The following ANKRD42 variants were observed in gnomAD, a reference collection of about 807,000 sequenced individuals.
ANKRD42 encodes ankyrin repeat domain-containing protein 42.
A neutral mutation model predicts 51.5 loss-of-function variants in ANKRD42; 43 were observed. The observed-to-expected ratio is 0.83, with a 90% confidence interval of 0.65 to 1.08. The LOEUF (loss-of-function observed/expected upper bound fraction) is 1.08. Among genes scored for constraint, ANKRD42 ranks in the 50% least tolerant of loss-of-function variants. The pLI is 0.00. For synonymous variants in ANKRD42, 203 were observed against 213.0 expected, an observed-to-expected ratio of 0.95 and a Z score of 0.41; for missense variants, 608 against 629.3, an observed-to-expected ratio of 0.97 and a Z score of 0.36.
chr11:83,258,200 G>C (rs1265747166), downstream of ANKRD42, among the ~76,000 whole-genome samples: 1 of 152,132 alleles, frequency 6.6e-6, no homozygotes, highest in Non-Finnish European at 1.5e-5. Context: ...GACTGTAAGA[G>C]AGAAATAAAC....
chr11:83,205,044 C>T (rs1236344606), intron 2 of ANKRD42, among the ~76,000 whole-genome samples: 1 of 152,160 alleles, frequency 6.6e-6, no homozygotes, highest in Non-Finnish European at 1.5e-5. Flanking sequence ...AACTGGAACT[C>T]CCATACATTG....
At chr11:83,263,199 A>G (rs1420516541), downstream of ANKRD42, among the ~76,000 whole-genome samples, 1 of 152,220 alleles carries the variant, frequency 6.6e-6, no homozygotes, top group East Asian at 1.9e-4. Flanking sequence ...GTGCTATCTA[A>G]GTGGTTACAT....
chr11:83,235,978 G>C (rs1488215353), intron 7 of ANKRD42, among the ~76,000 whole-genome samples: 1 of 152,194 alleles, frequency 6.6e-6, no homozygotes, highest in Non-Finnish European at 1.5e-5. Flanking sequence ...TTTGAAGTCT[G>C]TGTAGGTCCT....
chr11:83,213,636 T>C (rs955101928), intron 5 of ANKRD42: 4 of 914,866 alleles, frequency 4.4e-6, no homozygotes, highest in Non-Finnish European at 5.6e-6. Flanking sequence ...ACTAAAGATG[T>C]TGAACATCAT....
chr11:83,208,084 C>A (rs972692703), intron 3 of ANKRD42, among the ~76,000 whole-genome samples: 2 of 152,012 alleles, frequency 1.3e-5, no homozygotes, highest in African/African-American at 4.8e-5. Flanking sequence ...AGTGCAGTGC[C>A]CTGGTCATGA....
intron 5 of ANKRD42, among the ~76,000 whole-genome samples, chr11:83,221,586 T>C (rs1862718252): frequency 6.6e-6 from 1 of 152,220 alleles, no homozygotes; most frequent in East Asian, 1.9e-4. Flanking sequence ...TCCAGGTAGG[T>C]CTCTGCCTCC....
intron 5 of ANKRD42, among the ~76,000 whole-genome samples, chr11:83,217,839 T>C (rs187486679): frequency 6.6e-6 from 1 of 152,336 alleles, no homozygotes; most frequent in African/African-American, 2.4e-5. Context: ...CTGCTCCTCT[T>C]TTGGTTCCCT....
In ANKRD42 at chr11:83,225,495, G is replaced by GC. The variant is rs1447451200; in HGVS notation, c.787+440_787+441insC. Among the ~76,000 whole-genome samples, 3 of 151,382 alleles carry GC rather than the reference G, an allele frequency of 2.0e-5. No individual in the cohort carries two copies. The East Asian group carries it at 5.8e-4, about 29-fold the overall frequency. On this transcript the variant is annotated intron_variant, in intron 6 of 10. Coordinates refer to ENST00000533342, the MANE Select transcript of ANKRD42 (RefSeq NM_001300975.2). ...TGGGAGGATGGATTGAGCCCAGGAA[G>GC]TCAAGGCTACAGTGAACCGTGATTG... is the stretch of plus-strand genomic sequence containing the variant.
intron 5 of ANKRD42, among the ~76,000 whole-genome samples, chr11:83,219,853 G>C (rs1862662034): frequency 6.6e-6 from 1 of 152,176 alleles, no homozygotes; most frequent in Non-Finnish European, 1.5e-5. Context: ...TAGGGAACTG[G>C]CCCTTCAAAA....
At chr11:83,228,419 G>T (rs984501213) in intron 7 of ANKRD42, among the ~76,000 whole-genome samples, 2 of 151,502 alleles carry the variant, frequency 1.3e-5, no homozygotes, top group African/African-American at 2.4e-5. Flanking sequence ...TAATAGAGAT[G>T]GGGTTTCACC....
At chr11:83,232,155 G>A (rs2135539012) in intron 7 of ANKRD42, among the ~76,000 whole-genome samples, 1 of 149,574 alleles carries the variant, frequency 6.7e-6, no homozygotes, top group Middle Eastern at 3.5e-3. Context: ...ATTTAGATAG[G>A]GATTGCAATG....
At chr11:83,229,921 T>C (rs1041472514) in intron 7 of ANKRD42, among the ~76,000 whole-genome samples, 1 of 152,166 alleles carries the variant, frequency 6.6e-6, no homozygotes, top group Non-Finnish European at 1.5e-5. Context: ...GATACAGACA[T>C]GGAATGTGAA....
intron 3 of ANKRD42, among the ~76,000 whole-genome samples, chr11:83,207,613 G>C (rs1045130997): frequency 6.6e-6 from 1 of 152,212 alleles, no homozygotes; most frequent in Non-Finnish European, 1.5e-5. Flanking sequence ...TCATTCATTG[G>C]AGATTTATTG....
chr11:83,258,301 C>T (rs1863807254), downstream of ANKRD42, among the ~76,000 whole-genome samples: 1 of 151,706 alleles, frequency 6.6e-6, no homozygotes, highest in Admixed American at 6.6e-5. Context: ...TATATTTATT[C>T]ATAAATCATA....
intron 5 of ANKRD42, 22 bp from the exon 6 acceptor site, chr11:83,224,833 A>G (rs1355238293): frequency 6.5e-7 from 1 of 1,530,452 alleles, no homozygotes; most frequent in Non-Finnish European, 8.8e-7. Context: ...AAATTAAATT[A>G]ATTTTTTTTC....
Position 83,248,677 on chromosome 11 carries a change from A to G in ANKRD42, c.*473A>G, listed in dbSNP as rs1863614582. ...TTCCTGGCTTCTTTTTATTTTGCAC[A>G]AACTAGTCATTGGTCTCTTTAATAA... On this transcript the variant is annotated 3_prime_UTR_variant, in exon 11 of 11. Coordinates refer to ENST00000533342, the MANE Select transcript of ANKRD42 (RefSeq NM_001300975.2). The G allele has an allele frequency of 1.0e-6, 1 of 981,380 alleles. No individual in the cohort carries two copies. The highest frequency in any genetic ancestry group is 1.2e-6 in the Non-Finnish European group (1 of 826,406). 60.8% of individuals were successfully genotyped at this position (981,380 alleles called of 1,614,324 possible). A position where few individuals can be genotyped will look rare whatever the true frequency, so the allele number is the denominator to read the frequency against.
intron 9 of ANKRD42, among the ~76,000 whole-genome samples, chr11:83,241,578 G>A (rs1221603577): frequency 6.6e-6 from 1 of 152,068 alleles, no homozygotes; most frequent in Non-Finnish European, 1.5e-5. Flanking sequence ...CATTGAGAAT[G>A]GTCAGTGTGG....
At chr11:83,229,583 A>G (rs564661958) in intron 7 of ANKRD42, among the ~76,000 whole-genome samples, 21 of 152,256 alleles carry the variant, frequency 1.4e-4, no homozygotes, top group African/African-American at 4.6e-4. Context: ...TTTCTTCACC[A>G]CTTGAACTGA....
At chr11:83,215,472 C>G (rs1180869472) in intron 5 of ANKRD42, among the ~76,000 whole-genome samples, 1 of 152,160 alleles carries the variant, frequency 6.6e-6, no homozygotes, top group African/African-American at 2.4e-5. Context: ...TGAAGACTTA[C>G]AGCTGCCATT....
Sources: gnomAD v4.1 joint callset for allele counts (sites outside exome capture counted in the v4.1 genomes callset) on GRCh38, gnomAD v4.1.1 for gene constraint, MANE v1.5 for transcripts, NCBI Gene and HGNC (gene_info 2026-07-23, HGNC 2026-07-21) for gene names.